LRRTM4: variants seen among roughly 807,000 people sequenced by gnomAD.
LRRTM4 encodes leucine rich repeat transmembrane neuronal 4, also known as leucine-rich repeat transmembrane neuronal protein 4.
LRRTM4 carries 25 observed loss-of-function variants against 47.6 expected under a neutral mutation model. That is an observed-to-expected ratio of 0.53 (90% CI 0.38 to 0.73). The LOEUF is 0.73. Ranked by LOEUF, LRRTM4 falls within the 30% of genes least tolerant of loss-of-function variation. The probability of loss-of-function intolerance (pLI) is 0.00; values close to 1 mark genes in which losing one functional copy is unlikely to be tolerated. For synonymous variants in LRRTM4, 311 were observed against 269.5 expected (o/e 1.15, Z -1.51); for missense variants, 638 against 713.4 (o/e 0.89, Z 1.20).
chr2:77,386,591 T>C (rs1295786655), intron 3 of LRRTM4, among the ~76,000 whole-genome samples: 1 of 152,174 alleles, frequency 6.6e-6, no homozygotes, highest in Non-Finnish European at 1.5e-5. Flanking sequence ...TGTGTCTTTA[T>C]AGTAGAATGA....
intron 3 of LRRTM4, among the ~76,000 whole-genome samples, chr2:76,858,396 A>G (rs1338542415): frequency 6.6e-6 from 1 of 152,206 alleles, no homozygotes; most frequent in Non-Finnish European, 1.5e-5. Flanking sequence ...TCTTGGCTGC[A>G]GCCTGCCAGG....
chr2:77,199,488 T>C (rs1409443503), intron 3 of LRRTM4, among the ~76,000 whole-genome samples: 1 of 152,130 alleles, frequency 6.6e-6, no homozygotes, highest in African/African-American at 2.4e-5. Flanking sequence ...TTTGGATTTG[T>C]CATTTTTCTC....
intron 3 of LRRTM4, among the ~76,000 whole-genome samples, chr2:77,364,439 A>G (rs187024024): frequency 6.6e-6 from 1 of 152,112 alleles, no homozygotes; most frequent in Admixed American, 6.6e-5. Context: ...AGAGGACTAA[A>G]TGCTCACTTA....
chr2:77,284,836 C>T (rs1366054929), intron 3 of LRRTM4, among the ~76,000 whole-genome samples: 1 of 151,944 alleles, frequency 6.6e-6, no homozygotes, highest in Non-Finnish European at 1.5e-5. Flanking sequence ...CAACAACAGT[C>T]CTTGAAGTCT....
intron 3 of LRRTM4, among the ~76,000 whole-genome samples, chr2:77,353,901 A>T (rs1671874991): frequency 6.6e-6 from 1 of 152,186 alleles, no homozygotes; most frequent in African/African-American, 2.4e-5. Flanking sequence ...TGGAAGATGG[A>T]AGAAAACAGC....
At chr2:77,096,864 C>T (rs1313038933) in intron 3 of LRRTM4, among the ~76,000 whole-genome samples, 6 of 151,712 alleles carry the variant, frequency 4.0e-5, no homozygotes, top group African/African-American at 1.2e-4. Context: ...GAAACACTTT[C>T]AGATATATCA....
At chr2:77,341,584 A>G (rs1395440437) in intron 3 of LRRTM4, among the ~76,000 whole-genome samples, 1 of 152,074 alleles carries the variant, frequency 6.6e-6, no homozygotes, top group Non-Finnish European at 1.5e-5. Context: ...CTACGAGACA[A>G]GAACCACGCA....
At chr2:77,115,208 T>C (rs1385576834) in intron 3 of LRRTM4, among the ~76,000 whole-genome samples, 2 of 152,180 alleles carry the variant, frequency 1.3e-5, no homozygotes, top group Non-Finnish European at 2.9e-5. Flanking sequence ...ATAGGTTCCC[T>C]GCAAGAAGAA....
chr2:76,819,724 T>C (rs929973342), intron 3 of LRRTM4, among the ~76,000 whole-genome samples: 1 of 151,958 alleles, frequency 6.6e-6, no homozygotes, highest in Non-Finnish European at 1.5e-5. Flanking sequence ...CAATCAGATC[T>C]TTCATTGAGA....
intron 3 of LRRTM4, among the ~76,000 whole-genome samples, chr2:77,336,828 A>G (rs1353517299): frequency 6.6e-6 from 1 of 152,156 alleles, no homozygotes; most frequent in Admixed American, 6.6e-5. Context: ...GTTCATTCTC[A>G]TCACTCCTAT....
Position 76,784,291 on chromosome 2 carries a change from T to A in LRRTM4, c.1552-35375A>T, listed in dbSNP as rs573109175. ...AAGCGATGCTTTATAATCCTATGCA[T>A]ACTTTGAAAAATATTATGGAAAAGC... is the stretch of plus-strand genomic sequence containing the variant. On this transcript the variant is annotated intron_variant, in intron 3 of 3. Transcript: ENST00000409884. Among the ~76,000 whole-genome samples the A allele has an allele frequency of 4.5e-4, 68 of 152,162 alleles. No homozygotes were observed. In the South Asian group the frequency reaches 0.014, roughly 31 times the overall value.
At chr2:77,283,353 G>T (rs115324961) in intron 3 of LRRTM4, among the ~76,000 whole-genome samples, 3 of 152,054 alleles carry the variant, frequency 2.0e-5, no homozygotes, top group African/African-American at 7.2e-5. Flanking sequence ...GCAGAGAAAA[G>T]AAAACACTTA....
At chr2:76,974,248 A>G (rs1457008985) in intron 3 of LRRTM4, among the ~76,000 whole-genome samples, 5 of 139,960 alleles carry the variant, frequency 3.6e-5, no homozygotes, top group Non-Finnish European at 7.5e-5. Context: ...ATACATATAT[A>G]TATATACACA....
rs11437981 is a variant in LRRTM4 at position 76,748,540 on chromosome 2, GTTTT to G, written c.*151_*154del. On this transcript the variant is annotated 3_prime_UTR_variant, in exon 4 of 4. Transcript: ENST00000409884. ...GTGCATTCGCTGCCCTCTTCAAGCA[GTTTT>G]TTTTTCTCTTTTTCTTTTCTCTATG... The G allele has an allele frequency of 5.0e-5, 32 of 634,902 alleles. 1 individual carries two copies. In the South Asian group the frequency reaches 5.9e-4, roughly 12 times the overall value. The allele number at this position is 634,902 out of a possible 1,614,324, so 39.3% of individuals were successfully genotyped here. A position where few individuals can be genotyped will look rare whatever the true frequency, so the allele number is the denominator to read the frequency against.
intron 3 of LRRTM4, among the ~76,000 whole-genome samples, chr2:77,104,468 A>G (rs781229074): frequency 1.1e-4 from 17 of 152,186 alleles, no homozygotes; most frequent in Admixed American, 7.2e-4. Context: ...GGTGATATAG[A>G]TTTTAATTTT....
chr2:77,066,089 G>C (rs1023353111), intron 3 of LRRTM4, among the ~76,000 whole-genome samples: 29 of 152,154 alleles, frequency 1.9e-4, no homozygotes, highest in African/African-American at 6.5e-4. Context: ...CTTTTTCTAT[G>C]GATTTTACAA....
chr2:77,498,208 A>C (rs1302935372), intron 3 of LRRTM4, among the ~76,000 whole-genome samples: 1 of 151,812 alleles, frequency 6.6e-6, no homozygotes, highest in Non-Finnish European at 1.5e-5. Flanking sequence ...ATTGGAAGAA[A>C]TCTTTCATCA....
chr2:76,974,961 T>A (rs1188437740), intron 3 of LRRTM4, among the ~76,000 whole-genome samples: 1 of 151,754 alleles, frequency 6.6e-6, no homozygotes, highest in Admixed American at 6.6e-5. Flanking sequence ...TATTTCTTGG[T>A]ACTAAAAACT....
intron 3 of LRRTM4, among the ~76,000 whole-genome samples, chr2:77,225,440 C>G (rs1415851898): frequency 6.6e-6 from 1 of 150,686 alleles, no homozygotes; most frequent in Admixed American, 6.6e-5. Flanking sequence ...AAAAAAACAG[C>G]TGATGTTGGT....
Sources: allele counts gnomAD v4.1 joint callset (sites outside exome capture counted in the v4.1 genomes callset), GRCh38; gene constraint gnomAD v4.1.1; transcripts MANE v1.5; gene names NCBI Gene and HGNC (gene_info 2026-07-23, HGNC 2026-07-21).